The following PRKG1 variants were observed in gnomAD, a reference collection of about 807,000 sequenced individuals.
The protein encoded by PRKG1 is cGMP-dependent protein kinase 1.
In PRKG1, 35 loss-of-function variants were observed where a neutral mutation model predicts 88.1. That is an observed-to-expected ratio of 0.40 (90% CI 0.30 to 0.53). The LOEUF (loss-of-function observed/expected upper bound fraction) is 0.53. Ranked by LOEUF, PRKG1 falls within the 20% of genes least tolerant of loss-of-function variation. The probability of loss-of-function intolerance (pLI) is 0.59; values close to 1 mark genes in which losing one functional copy is unlikely to be tolerated. For synonymous variants in PRKG1, 303 were observed against 292.5 expected (o/e 1.04, Z -0.37); for missense variants, 540 against 839.8 (o/e 0.64, Z 4.41).
At chr10:51,217,714 A>G (rs113324439) in intron 2 of PRKG1, among the ~76,000 whole-genome samples, 3,378 of 152,196 alleles carry the variant, frequency 0.022, 49 homozygotes, top group Middle Eastern at 0.051. Flanking sequence ...TTATAAACAT[A>G]ATCTATTATT....
chr10:51,917,028 A>G (rs1215500853), intron 5 of PRKG1, among the ~76,000 whole-genome samples: 1 of 152,166 alleles, frequency 6.6e-6, no homozygotes, highest in African/African-American at 2.4e-5. Flanking sequence ...GTGACTATTA[A>G]GAGTGTGGGC....
chr10:51,089,345 G>A (rs546427316), intron 1 of PRKG1, among the ~76,000 whole-genome samples: 72 of 152,124 alleles, frequency 4.7e-4, no homozygotes, highest in Non-Finnish European at 7.4e-4. Context: ...TTATTTTGCA[G>A]ACACAGCCAG....
chr10:51,218,737 C>A (rs1838444789), intron 2 of PRKG1, among the ~76,000 whole-genome samples: 1 of 151,428 alleles, frequency 6.6e-6, no homozygotes, highest in Admixed American at 6.6e-5. Flanking sequence ...GATATTATTT[C>A]TAGAAACAAA....
At chr10:52,068,047 A>G (rs1357282069) in intron 7 of PRKG1, among the ~76,000 whole-genome samples, 2 of 138,086 alleles carry the variant, frequency 1.4e-5, no homozygotes, top group African/African-American at 5.1e-5. Context: ...TACTAAAAAT[A>G]CAAAAATCAG....
chr10:51,586,194 T>A (rs902273082), intron 3 of PRKG1, among the ~76,000 whole-genome samples: 19 of 152,168 alleles, frequency 1.2e-4, no homozygotes, highest in Middle Eastern at 3.4e-3. Context: ...TGTGGAAGCC[T>A]TGAAATCCAA....
intron 1 of PRKG1, among the ~76,000 whole-genome samples, chr10:51,099,802 A>T (rs1385464923): frequency 6.6e-6 from 1 of 152,228 alleles, no homozygotes; most frequent in Non-Finnish European, 1.5e-5. Flanking sequence ...TTTTTTGATC[A>T]TACACTTTGC....
intron 4 of PRKG1, among the ~76,000 whole-genome samples, chr10:51,868,921 C>T (rs1841086462): frequency 6.6e-6 from 1 of 152,154 alleles, no homozygotes; most frequent in African/African-American, 2.4e-5. Flanking sequence ...ATAAGTGAAG[C>T]TAGAACACTG....
At chr10:51,869,174 G>GT (rs1277275690) in intron 4 of PRKG1, among the ~76,000 whole-genome samples, 1 of 152,088 alleles carries the variant, frequency 6.6e-6, no homozygotes, top group Non-Finnish European at 1.5e-5. Flanking sequence ...TCTTAGTTTA[G>GT]TTTTTTCTTT....
intron 3 of PRKG1, among the ~76,000 whole-genome samples, chr10:51,777,402 T>C (rs1422009188): frequency 6.6e-6 from 1 of 152,130 alleles, no homozygotes; most frequent in Non-Finnish European, 1.5e-5. Context: ...ATCTTTTGGG[T>C]TCACATAGCA....
At chr10:51,840,343 G>A (rs548674706) in intron 4 of PRKG1, among the ~76,000 whole-genome samples, 6 of 151,768 alleles carry the variant, frequency 4.0e-5, no homozygotes, top group African/African-American at 1.5e-4. Flanking sequence ...GATTTGTTGT[G>A]TTCTTAGAGG....
At chr10:52,119,250 G>A (rs906622270) in intron 7 of PRKG1, among the ~76,000 whole-genome samples, 15 of 152,158 alleles carry the variant, frequency 9.9e-5, no homozygotes, top group African/African-American at 3.4e-4. Context: ...AAAAAGTATC[G>A]ACATGCATAA....
At position 51,967,416 on chromosome 10, in the gene PRKG1, T is replaced by C. The variant is rs1365792232; in HGVS notation, c.762+59846T>C. On this transcript the variant is annotated intron_variant, in intron 5 of 17. Coordinates refer to ENST00000373980, the MANE Select transcript of PRKG1 (RefSeq NM_006258.4). Reference sequence around the variant, plus strand: ...TCACACACTGAGGCCTGTTGTGGGGTGGGGGATGGGGGAGGGATAGCATTA... The same window carrying C: ...TCACACACTGAGGCCTGTTGTGGGGCGGGGGATGGGGGAGGGATAGCATTA... Among the ~76,000 whole-genome samples the C allele has an allele frequency of 2.6e-5, 4 of 151,020 alleles. No homozygotes were observed. In the East Asian group the frequency reaches 7.8e-4, roughly 30 times the overall value.
chr10:52,085,271 C>T (rs1846883625), intron 7 of PRKG1, among the ~76,000 whole-genome samples: 1 of 151,878 alleles, frequency 6.6e-6, no homozygotes, highest in Admixed American at 6.6e-5. Context: ...CCCTCCCTCC[C>T]ACTTTGATTT....
chr10:51,880,137 T>C (rs1311103509), intron 4 of PRKG1, among the ~76,000 whole-genome samples: 1 of 152,224 alleles, frequency 6.6e-6, no homozygotes, highest in Non-Finnish European at 1.5e-5. Flanking sequence ...TTAAAAAATA[T>C]TTTGTGTGAT....
At chr10:51,710,046 C>A (rs1239918978) in intron 3 of PRKG1, among the ~76,000 whole-genome samples, 1 of 152,172 alleles carries the variant, frequency 6.6e-6, no homozygotes, top group Non-Finnish European at 1.5e-5. Flanking sequence ...GGTAGGCACA[C>A]AGTTGAACAA....
chr10:51,758,062 C>T (rs1017718775), intron 3 of PRKG1, among the ~76,000 whole-genome samples: 4 of 151,902 alleles, frequency 2.6e-5, no homozygotes, highest in African/African-American at 4.8e-5. Flanking sequence ...AGTAAAGTAG[C>T]GTGCTAAGAA....
chr10:52,141,051 G>A (rs552013205), intron 8 of PRKG1, among the ~76,000 whole-genome samples: 17 of 152,298 alleles, frequency 1.1e-4, no homozygotes, highest in African/African-American at 3.6e-4. Context: ...GATATTGGCA[G>A]GATGGTCACA....
At chr10:52,067,744 A>T (rs866657455) in intron 7 of PRKG1, among the ~76,000 whole-genome samples, 2 of 151,392 alleles carry the variant, frequency 1.3e-5, no homozygotes, top group Non-Finnish European at 2.9e-5. Flanking sequence ...CCTTGCTCTG[A>T]TAAGTGTTTA....
chr10:51,601,359 G>T (rs1204628403), intron 3 of PRKG1, among the ~76,000 whole-genome samples: 2 of 152,198 alleles, frequency 1.3e-5, no homozygotes, highest in African/African-American at 4.8e-5. Flanking sequence ...AAGGCGAAGG[G>T]AGGAGTGGCT....
Sources: allele counts gnomAD v4.1 joint callset (sites outside exome capture counted in the v4.1 genomes callset), GRCh38; gene constraint gnomAD v4.1.1; transcripts MANE v1.5; gene names NCBI Gene and HGNC (gene_info 2026-07-23, HGNC 2026-07-21).